The following AMPD3 variants were observed in gnomAD, a reference collection of about 807,000 sequenced individuals.
AMPD3 encodes the protein AMP deaminase 3.
Under a neutral mutation model 82.3 loss-of-function variants are expected in AMPD3, and 57 were observed. That is an observed-to-expected ratio of 0.69 (90% CI 0.56 to 0.86). The LOEUF is 0.86. AMPD3 is among the 40% of genes least tolerant of loss of function. The pLI is 0.00. For missense variants in AMPD3, 870 were observed against 1,003.8 expected, an observed-to-expected ratio of 0.87 and a Z score of 1.80; for synonymous variants, 381 against 394.7, an observed-to-expected ratio of 0.97 and a Z score of 0.41.
At chr11:10,462,076 C>T (rs560729780) in intron 2 of AMPD3, among the ~76,000 whole-genome samples, 1 of 152,166 alleles carries the variant, frequency 6.6e-6, no homozygotes, top group Non-Finnish European at 1.5e-5. Flanking sequence ...TTTTGCATTA[C>T]TAATGAACAC....
At chr11:10,476,869 C>A (rs1211842695) in intron 2 of AMPD3, 1 of 972,082 alleles carries the variant, frequency 1.0e-6, no homozygotes, top group Admixed American at 6.2e-5. Flanking sequence ...AAAGCTGAGG[C>A]TGGGGGCTCC....
intron 2 of AMPD3, chr11:10,478,215 C>T (rs1191768836): frequency 1.0e-6 from 1 of 985,270 alleles, no homozygotes; most frequent in East Asian, 1.1e-4. Context: ...TTTAGAGCCC[C>T]TGCCATGTGG....
intron 2 of AMPD3, among the ~76,000 whole-genome samples, chr11:10,470,160 A>G (rs929944539): frequency 2.0e-5 from 3 of 152,218 alleles, no homozygotes; most frequent in African/African-American, 7.2e-5. Flanking sequence ...CTGGTTCAAC[A>G]TATGCAAATC....
intron 8 of AMPD3, 151 bp from the exon 9 acceptor site, chr11:10,495,419 A>G (rs1483181083): frequency 2.0e-6 from 3 of 1,522,370 alleles, no homozygotes; most frequent in Non-Finnish European, 2.6e-6. Context: ...AAGAGCTTAC[A>G]GGAGCAGGCA....
chr11:10,504,374 G>C (rs1849659471), intron 13 of AMPD3, 175 bp from the exon 14 acceptor site: 1 of 464,584 alleles, frequency 2.2e-6, no homozygotes, highest in South Asian at 9.1e-5. Flanking sequence ...GATAACCCAT[G>C]ATTTTACAGA....
At chr11:10,476,866 A>T in intron 2 of AMPD3, 3 of 968,086 alleles carry the variant, frequency 3.1e-6, no homozygotes, top group Non-Finnish European at 3.7e-6. Context: ...GAGAAAGCTG[A>T]GGCTGGGGGC....
At chr11:10,455,257 C>A (rs1848059313), upstream of AMPD3, 1 of 985,296 alleles carries the variant, frequency 1.0e-6, no homozygotes. Flanking sequence ...CTGTTCTGAG[C>A]CTTCCCACTC....
chr11:10,501,361 G>T, intron 11 of AMPD3, 109 bp from the exon 12 acceptor site: 1 of 1,533,608 alleles, frequency 6.5e-7, no homozygotes, highest in South Asian at 1.3e-5. Flanking sequence ...CAGCACAGCT[G>T]ACCATGGGTG....
Position 10,506,055 on chromosome 11 carries a change from C to T in AMPD3, c.*171C>T, listed in dbSNP as rs1849707966. 1.4e-6 allele frequency: 1 copy of T among 711,414 alleles called. No homozygotes were observed. The highest frequency in any genetic ancestry group is 1.6e-5 in the South Asian group (1 of 63,224). 44.1% of individuals were successfully genotyped at this position (711,414 alleles called of 1,614,324 possible). ...CTCACTTTAAGAGTTAACATGCTCACTTGTTAGTATTTCTGAGTAACAAGA... is the reference window on the plus strand; with the variant it reads ...CTCACTTTAAGAGTTAACATGCTCATTTGTTAGTATTTCTGAGTAACAAGA... On this transcript the variant is annotated 3_prime_UTR_variant, in exon 15 of 15. Transcript: ENST00000396553. This position sits in a 1 kb window ranked among gnomAD's most constrained non-coding sequence, Gnocchi z 4.1.
chr11:10,460,101 T>TATATATTTTATATATATATATATATA (rs1848223719), intron 1 of AMPD3, among the ~76,000 whole-genome samples: 1 of 146,212 alleles, frequency 6.8e-6, no homozygotes, highest in African/African-American at 2.5e-5. Context: ...ATATATATAT[T>TATATATTTTATATATATATATATATA]TTATTTTTAA....
At chr11:10,478,375 G>A (rs1848801915) in intron 2 of AMPD3, 151 bp from the exon 3 acceptor site, 4 of 1,579,932 alleles carry the variant, frequency 2.5e-6, no homozygotes, top group African/African-American at 1.3e-5. Flanking sequence ...TAAGAGGAAG[G>A]CATGAATAAT....
rs146488641 is a variant in AMPD3 at position 10,465,184 on chromosome 11, T to C, written c.221+3444T>C. On this transcript the variant is annotated intron_variant, in intron 2 of 14. Transcript: ENST00000396553. ...TTTTGTTATTGTTGTTATTAGACAG[T>C]CAACAGTGAGAGAGGAAACAAAATA... 1.2e-4 allele frequency among the ~76,000 whole-genome samples: 18 copies of C among 152,260 alleles called. 1 individual carries two copies. Among genetic ancestry groups the C allele is most frequent in the African/African-American group, 3.6e-4 (15 of 41,524 alleles).
intron 7 of AMPD3, 188 bp downstream of exon 7, chr11:10,493,731 A>C: frequency 1.4e-6 from 1 of 728,532 alleles, no homozygotes; most frequent in Non-Finnish European, 2.4e-6. Flanking sequence ...ACAGGGAAAG[A>C]GGGTGTGTGG....
intron 2 of AMPD3, chr11:10,478,302 A>T: frequency 1.0e-6 from 1 of 985,426 alleles, no homozygotes; most frequent in Non-Finnish European, 1.2e-6. Context: ...AGCCCTGAGC[A>T]GTGCATGGTG....
rs558141815 is a variant in AMPD3, at chr11:10,500,030, C to T, written c.1558-56C>T. The T allele has an allele frequency of 4.5e-5, 72 of 1,610,442 alleles. 1 individual carries two copies. In the South Asian group the frequency reaches 7.1e-4, roughly 16 times the overall value. On this transcript the variant is annotated intron_variant, in intron 10 of 14. Transcript: ENST00000396553. Reference sequence around the variant, plus strand: ...CAGCTATGAGCTCTGGGAGGCTGAACCGAGGCTGAGTCCTGGTCCTGCCTT... The same window carrying T: ...CAGCTATGAGCTCTGGGAGGCTGAATCGAGGCTGAGTCCTGGTCCTGCCTT...
At chr11:10,461,357 A>T in intron 1 of AMPD3, 158 bp from the exon 2 acceptor site, 1 of 1,592,654 alleles carries the variant, frequency 6.3e-7, no homozygotes, top group Non-Finnish European at 8.5e-7. Context: ...TATTGAGCTA[A>T]TTTTGAAATT....
intron 1 of AMPD3, chr11:10,455,922 G>T (rs1848080075): frequency 1.0e-6 from 1 of 985,310 alleles, no homozygotes; most frequent in Admixed American, 6.1e-5. Context: ...AACGGAAGCA[G>T]CAAAGGTGAT....
intron 1 of AMPD3, 40 bp downstream of exon 1, chr11:10,455,488 G>C: frequency 1.0e-6 from 1 of 965,408 alleles, no homozygotes; most frequent in Non-Finnish European, 1.2e-6. Context: ...CGGTGGGTCA[G>C]TTGGGGTGTA....
chr11:10,473,546 A>C, intron 2 of AMPD3: 2 of 985,336 alleles, frequency 2.0e-6, no homozygotes, highest in Non-Finnish European at 2.4e-6. Flanking sequence ...GAGTTTTCAC[A>C]CCTGATTGGC....
Sources: allele counts gnomAD v4.1 joint callset (sites outside exome capture counted in the v4.1 genomes callset), GRCh38; gene constraint gnomAD v4.1.1; non-coding constraint Gnocchi (gnomAD v3.1); transcripts MANE v1.5; gene names NCBI Gene and HGNC (gene_info 2026-07-23, HGNC 2026-07-21).